The following IMMP2L variants were observed in gnomAD, a reference collection of about 807,000 sequenced individuals.
The protein encoded by IMMP2L is inner mitochondrial membrane peptidase subunit 2.
In IMMP2L, 18 loss-of-function variants were observed where a neutral mutation model predicts 19.3. The ratio of observed to expected loss-of-function variants is 0.93; its 90% CI spans 0.64 to 1.38. The LOEUF is 1.38. Among genes scored for constraint, IMMP2L ranks in the 40% most tolerant of loss-of-function variants. The pLI, the probability that IMMP2L is intolerant of heterozygous loss-of-function variation, is 0.00. For missense variants in IMMP2L, 233 were observed against 218.2 expected, an observed-to-expected ratio of 1.07 and a Z score of -0.43; for synonymous variants, 76 against 73.0, an observed-to-expected ratio of 1.04 and a Z score of -0.21.
intron 5 of IMMP2L, among the ~76,000 whole-genome samples, chr7:110,719,972 G>A (rs1795468308): frequency 6.6e-6 from 1 of 152,146 alleles, no homozygotes; most frequent in African/African-American, 2.4e-5. Context: ...TCTTGCTCCT[G>A]ACAGCTGTAA....
intron 3 of IMMP2L, among the ~76,000 whole-genome samples, chr7:111,073,863 T>C (rs1208845276): frequency 6.6e-6 from 1 of 152,206 alleles, no homozygotes; most frequent in Non-Finnish European, 1.5e-5. Context: ...ACCTTTGTCT[T>C]TGTTGTAGGG....
At chr7:111,327,753 TA>T in intron 3 of IMMP2L, among the ~76,000 whole-genome samples, 1 of 151,624 alleles carries the variant, frequency 6.6e-6, no homozygotes, top group East Asian at 1.9e-4. Flanking sequence ...TTGGCCAAAA[TA>T]AATGCAGAAG....
intron 3 of IMMP2L, among the ~76,000 whole-genome samples, chr7:111,166,790 C>T (rs1395042146): frequency 1.3e-5 from 2 of 151,966 alleles, no homozygotes; most frequent in African/African-American, 2.4e-5. Context: ...GAGGCTGCAT[C>T]ACTTCAACCT....
At chr7:110,969,630 C>T (rs939738527) in intron 3 of IMMP2L, among the ~76,000 whole-genome samples, 2 of 152,034 alleles carry the variant, frequency 1.3e-5, no homozygotes, top group African/African-American at 4.8e-5. Flanking sequence ...GAAAGGAAAC[C>T]TCAGGCAGGG....
At chr7:111,124,012 G>A (rs925155204) in intron 3 of IMMP2L, 2 of 1,613,976 alleles carry the variant, frequency 1.2e-6, no homozygotes, top group African/African-American at 1.3e-5. Context: ...GCATTTCAGG[G>A]ACATGATGGA....
chr7:110,940,594 G>C (rs1026942085), intron 4 of IMMP2L, among the ~76,000 whole-genome samples: 2 of 152,080 alleles, frequency 1.3e-5, no homozygotes, highest in African/African-American at 2.4e-5. Flanking sequence ...GGCAGCTATG[G>C]AAACTTGGGA....
intron 3 of IMMP2L, among the ~76,000 whole-genome samples, chr7:111,437,046 T>C (rs924636690): frequency 2.0e-5 from 3 of 151,840 alleles, no homozygotes; most frequent in African/African-American, 7.3e-5. Context: ...ACCTTCATCA[T>C]TGGGGGTTAT....
At chr7:110,915,555 C>G (rs1332894500) in intron 4 of IMMP2L, among the ~76,000 whole-genome samples, 2 of 152,118 alleles carry the variant, frequency 1.3e-5, no homozygotes, top group African/African-American at 4.8e-5. Context: ...ATGGCAACTA[C>G]AGTTAATAAT....
At chr7:110,912,083 T>C (rs2129548455) in intron 4 of IMMP2L, among the ~76,000 whole-genome samples, 1 of 152,092 alleles carries the variant, frequency 6.6e-6, no homozygotes, top group South Asian at 2.1e-4. Flanking sequence ...CCAGTTATAA[T>C]GTCAAAGGAG....
intron 3 of IMMP2L, among the ~76,000 whole-genome samples, chr7:111,285,290 C>G (rs564481026): frequency 6.6e-6 from 1 of 152,042 alleles, no homozygotes; most frequent in African/African-American, 2.4e-5. Context: ...AGCAGGACAC[C>G]CTGTGAGGAA....
At chr7:111,027,239 A>G (rs1826929417) in intron 3 of IMMP2L, among the ~76,000 whole-genome samples, 1 of 152,156 alleles carries the variant, frequency 6.6e-6, no homozygotes, top group African/African-American at 2.4e-5. Flanking sequence ...TATCACTGGT[A>G]AGGGCTGAGT....
chr7:111,530,659 G>A (rs1847304289), intron 1 of IMMP2L, among the ~76,000 whole-genome samples: 2 of 150,996 alleles, frequency 1.3e-5, no homozygotes, highest in African/African-American at 4.9e-5. Context: ...AAGAAAACTG[G>A]AATTACAGGA....
At chr7:111,330,732 G>A (rs1825792846) in intron 3 of IMMP2L, among the ~76,000 whole-genome samples, 1 of 151,526 alleles carries the variant, frequency 6.6e-6, no homozygotes, top group Admixed American at 6.6e-5. Flanking sequence ...TCAATAGCAA[G>A]AAAACCAAAA....
intron 3 of IMMP2L, among the ~76,000 whole-genome samples, chr7:111,142,347 AG>A (rs1474814342): frequency 2.0e-4 from 1 of 5,110 alleles, no homozygotes; most frequent in Admixed American, 2.7e-3. Flanking sequence ...AAAAAAAGAA[AG>A]AAAGAAAGAA....
At chr7:110,910,721 G>T (rs1228304021) in intron 4 of IMMP2L, among the ~76,000 whole-genome samples, 2 of 152,118 alleles carry the variant, frequency 1.3e-5, no homozygotes, top group Non-Finnish European at 2.9e-5. Flanking sequence ...GTTTGAAGTT[G>T]TAAGTGATTT....
rs553379552 is a variant in IMMP2L at position 110,761,750 on chromosome 7, A to T, written c.409-98029T>A. The stretch of plus-strand genomic sequence containing the variant: ...CACAGATGAGGAACCTGAGGCTTAA[A>T]GAGTTTAAACAAACACTTAGCTGTT... On this transcript the variant is annotated intron_variant, in intron 5 of 5. Transcript: ENST00000405709. Among the ~76,000 whole-genome samples, 19 of 152,336 alleles carry T rather than the reference A, an allele frequency of 1.2e-4. 1 individual carries two copies. The South Asian group carries it at 3.9e-3, about 32-fold the overall frequency.
At chr7:110,855,944 T>C (rs1806713722) in intron 5 of IMMP2L, among the ~76,000 whole-genome samples, 2 of 152,026 alleles carry the variant, frequency 1.3e-5, no homozygotes, top group Admixed American at 1.3e-4. Flanking sequence ...ATCTACTCAA[T>C]ACTCAAATAA....
Position 110,718,215 on chromosome 7 carries a change from G to A in IMMP2L, c.409-54494C>T, listed in dbSNP as rs190554377. ...ATTTGTAAGGAGGTAAGAATAAGAGGAAATACAGGCATGATTTCTGGTGTA... is the reference window on the plus strand; with the variant it reads ...ATTTGTAAGGAGGTAAGAATAAGAGAAAATACAGGCATGATTTCTGGTGTA... On this transcript the variant is annotated intron_variant, in intron 5 of 5. Coordinates refer to ENST00000405709, the MANE Select transcript of IMMP2L (RefSeq NM_032549.4). 2.0e-5 allele frequency among the ~76,000 whole-genome samples: 3 copies of A among 152,252 alleles called. No homozygotes were observed. The East Asian group carries it at 5.8e-4, about 29-fold the overall frequency.
At chr7:111,539,242 GAAAGAAAGAAAGAAAGAAAGAAAGAAAGA>G (rs1848287820) in intron 1 of IMMP2L, among the ~76,000 whole-genome samples, 10 of 143,846 alleles carry the variant, frequency 7.0e-5, no homozygotes, top group South Asian at 2.2e-4. Flanking sequence ...AAGAAAGAAA[GAAAGAAAGAAAGAAAGAAAGAAAGAAAGA>G]GAACATACGT....
Sources: gnomAD v4.1 joint callset for allele counts (sites outside exome capture counted in the v4.1 genomes callset) on GRCh38, gnomAD v4.1.1 for gene constraint, MANE v1.5 for transcripts, NCBI Gene and HGNC (gene_info 2026-07-23, HGNC 2026-07-21) for gene names.